The following TMCO6 variants were observed in gnomAD, a reference collection of about 807,000 sequenced individuals.
TMCO6 encodes the protein transmembrane and coiled-coil domain-containing protein 6.
A neutral mutation model predicts 61.8 loss-of-function variants in TMCO6; 47 were observed. That is an observed-to-expected ratio of 0.76 (90% confidence interval 0.60 to 0.97). TMCO6 has a LOEUF of 0.97. TMCO6 is among the 50% of genes least tolerant of loss of function. The pLI is 0.00. For missense variants in TMCO6, 557 were observed against 601.6 expected (o/e 0.93, Z 0.78); for synonymous variants, 261 against 254.2 (o/e 1.03, Z -0.25).
the TMCO6 span, among the ~76,000 whole-genome samples, chr5:140,607,504 T>TGTACATA: frequency 1.3e-5 from 2 of 152,220 alleles, no homozygotes; most frequent in Admixed American, 1.3e-4. Context: ...TATGAACATT[T>TGTACATA]TGGTACAAAA....
the TMCO6 span, among the ~76,000 whole-genome samples, chr5:140,599,793 C>A: frequency 1.3e-5 from 2 of 152,006 alleles, no homozygotes; most frequent in African/African-American, 4.8e-5. Flanking sequence ...CCCAGCTAGT[C>A]GGGAGGCTGA....
In TMCO6 at chr5:140,642,616, G is replaced by T. The variant is rs772921575; in HGVS notation, c.634G>T (p.Gly212Ter). 6.2e-7 allele frequency: 1 copy of T among 1,614,224 alleles called. No individual in the cohort carries two copies. Among genetic ancestry groups the T allele is most frequent in the Non-Finnish European group, 8.5e-7 (1 of 1,180,034 alleles). ...SPHVAVLEAL[G>*]YALSQLLQAE... is the part of the protein sequence containing the mutation. Reference sequence around the variant, plus strand: ...CCATGTGGCTGTGCTGGAAGCTCTCGGATATGCCTTGTCCCAGCTTCTACA... The same window carrying T: ...CCATGTGGCTGTGCTGGAAGCTCTCTGATATGCCTTGTCCCAGCTTCTACA... The change falls in exon 6 of 12, where the codon GGA becomes TGA. Residue 212 changes from glycine to a stop codon, truncating the protein, a stop_gained. Transcript: ENST00000394671. LOFTEE classifies it high-confidence loss of function.
chr5:140,642,032 C>T lies in TMCO6; in HGVS notation c.477C>T (p.Ser159=). 6.2e-7 allele frequency: 1 copy of T among 1,610,640 alleles called. No individual in the cohort carries two copies. The highest frequency in any genetic ancestry group is 8.5e-7 in the Non-Finnish European group (1 of 1,177,064). ...PATSYLLTYL[S]SHSSDFIELC... ...CTTCTTACCTCCTCACCTACCTCTC[C>T]AGTCACAGCTCAGACTTCATAGTAA... The change falls in exon 4 of 12, where the codon TCC becomes TCT. Residue 159 remains serine, a synonymous_variant. Coordinates refer to ENST00000394671, the MANE Select transcript of TMCO6 (RefSeq NM_018502.5).
chr5:140,617,765 G>A, the TMCO6 span, among the ~76,000 whole-genome samples: 1 of 150,236 alleles, frequency 6.7e-6, no homozygotes, highest in Non-Finnish European at 1.5e-5. Flanking sequence ...GTCTCAAATC[G>A]TTAAGGAAAT....
At chr5:140,628,273 T>A in the TMCO6 span, among the ~76,000 whole-genome samples, 2 of 152,284 alleles carry the variant, frequency 1.3e-5, no homozygotes, top group East Asian at 3.9e-4. Flanking sequence ...ATTTCCCTCT[T>A]TCTTAGGTCT....
At chr5:140,624,345 C>G in the TMCO6 span, among the ~76,000 whole-genome samples, 1 of 151,366 alleles carries the variant, frequency 6.6e-6, no homozygotes, top group Non-Finnish European at 1.5e-5. Flanking sequence ...GCCTGGGTAA[C>G]AGAGTGAGAC....
the TMCO6 span, among the ~76,000 whole-genome samples, chr5:140,609,727 T>A: frequency 4.6e-5 from 7 of 152,122 alleles, no homozygotes; most frequent in African/African-American, 1.7e-4. Flanking sequence ...TCTATGAGCA[T>A]GGGATATTAT....
downstream of TMCO6, among the ~76,000 whole-genome samples, chr5:140,646,399 G>C (rs559582781): frequency 1.2e-4 from 19 of 152,198 alleles, no homozygotes; most frequent in African/African-American, 3.4e-4. Flanking sequence ...TCCTCCTGTA[G>C]TCTACTGGCT....
At chr5:140,617,994 A>C in the TMCO6 span, among the ~76,000 whole-genome samples, 2 of 152,190 alleles carry the variant, frequency 1.3e-5, no homozygotes, top group Non-Finnish European at 2.9e-5. Context: ...AAGTTGGAGG[A>C]CTGACACTAC....
the TMCO6 span, among the ~76,000 whole-genome samples, chr5:140,616,648 GA>G: frequency 6.6e-6 from 1 of 152,184 alleles, no homozygotes; most frequent in Non-Finnish European, 1.5e-5. Flanking sequence ...GCAATGTATG[GA>G]ATAGGAGAAA....
At position 140,643,819 on chromosome 5, in the gene TMCO6, A is replaced by C. The variant is rs1757204386; in HGVS notation, c.958A>C (p.Thr320Pro). 1 of 1,614,102 alleles carries C rather than the reference A, an allele frequency of 6.2e-7. No individual in the cohort carries two copies. Among genetic ancestry groups the C allele is most frequent in the Admixed American group, 1.7e-5 (1 of 59,998 alleles). Residue 320 changes from threonine (T) to proline (P), a missense_variant, in exon 9 of 12, where the codon ACT becomes CCT. By Grantham distance (38) the Thr-to-Pro change is conservative. Coordinates refer to ENST00000394671, the MANE Select transcript of TMCO6 (RefSeq NM_018502.5). ...PVLRCLSNLLTEAAVETVGGQ... is the reference protein window; with the variant it reads ...PVLRCLSNLLPEAAVETVGGQ... The stretch of plus-strand genomic sequence containing the variant: ...GCTTCGATGTCTAAGCAACCTGCTA[A>C]CTGAGGCAGCAGTGGAGACTGTGGG...
At chr5:140,617,812 C>A in the TMCO6 span, among the ~76,000 whole-genome samples, 2 of 151,862 alleles carry the variant, frequency 1.3e-5, no homozygotes, top group Non-Finnish European at 2.9e-5. Context: ...TCCTCACACT[C>A]ATTATTATGG....
At chr5:140,606,478 A>G in the TMCO6 span, among the ~76,000 whole-genome samples, 1 of 151,602 alleles carries the variant, frequency 6.6e-6, no homozygotes, top group East Asian at 1.9e-4. Context: ...CCGATTTTCT[A>G]TTTTTTCCAT....
the TMCO6 span, among the ~76,000 whole-genome samples, chr5:140,621,653 G>T: frequency 6.6e-6 from 1 of 152,214 alleles, no homozygotes; most frequent in Non-Finnish European, 1.5e-5. Flanking sequence ...AACTCTGACC[G>T]CCGGTGAGCC....
the TMCO6 span, among the ~76,000 whole-genome samples, chr5:140,615,707 A>C: frequency 1.3e-5 from 2 of 152,264 alleles, no homozygotes; most frequent in Admixed American, 6.5e-5. Context: ...AAGTCTTTTC[A>C]TACTACGGCA....
rs780081129 is a variant in TMCO6, at chr5:140,643,058, G to A, written c.806+17G>A. 22 of 1,614,044 alleles carry A rather than the reference G, an allele frequency of 1.4e-5. No homozygotes were observed. Among genetic ancestry groups the A allele is most frequent in the Admixed American group, 1.7e-5 (1 of 60,002 alleles). ...CATCTGCAGGTAACAGGGCAATTGG[G>A]AAAGTACCACAGATCTTCCCTGGGG... On this transcript the variant is annotated intron_variant, in intron 7 of 11. Coordinates refer to ENST00000394671, the MANE Select transcript of TMCO6 (RefSeq NM_018502.5).
chr5:140,598,485 C>A, the TMCO6 span, among the ~76,000 whole-genome samples: 2 of 152,196 alleles, frequency 1.3e-5, no homozygotes, highest in East Asian at 3.8e-4. Flanking sequence ...TCTCTTTGTC[C>A]ACTGTTGGAC....
At chr5:140,641,354 C>A in intron 2 of TMCO6, 1 of 285,174 alleles carries the variant, frequency 3.5e-6, no homozygotes, top group East Asian at 7.0e-5. Context: ...GTAGGTTTTG[C>A]CAGGCTGAGA....
chr5:140,624,237 T>C, the TMCO6 span, among the ~76,000 whole-genome samples: 1 of 151,984 alleles, frequency 6.6e-6, no homozygotes, highest in African/African-American at 2.4e-5. Context: ...TGGTGGTGCC[T>C]GCCTGTAATC....
Sources: allele counts gnomAD v4.1 joint callset (sites outside exome capture counted in the v4.1 genomes callset), GRCh38; gene constraint gnomAD v4.1.1; transcripts MANE v1.5; gene names NCBI Gene and HGNC (gene_info 2026-07-23, HGNC 2026-07-21).